Variants in MCM9 observed in about 807,000 individuals in gnomAD.
MCM9 encodes the protein DNA helicase MCM9.
A neutral mutation model predicts 72.8 loss-of-function variants in MCM9; 55 were observed. The observed-to-expected ratio is 0.76, with a 90% confidence interval of 0.61 to 0.95. The LOEUF (loss-of-function observed/expected upper bound fraction) is 0.95, where lower values mean the gene tolerates loss of function less well. Ranked by LOEUF, MCM9 falls within the 40% of genes least tolerant of loss-of-function variation. The pLI is 0.00. For missense variants in MCM9, 1,279 were observed against 1,377.0 expected (o/e 0.93, Z 1.13); for synonymous variants, 480 against 503.4 (o/e 0.95, Z 0.62).
At chr6:118,928,235 A>G (rs1583701239) in intron 3 of MCM9, among the ~76,000 whole-genome samples, 2 of 152,046 alleles carry the variant, frequency 1.3e-5, no homozygotes, top group African/African-American at 2.4e-5. Flanking sequence ...ACATCGTGAA[A>G]CCCTGTCTCT....
chr6:118,904,889 G>C (rs1780066622), intron 8 of MCM9, among the ~76,000 whole-genome samples: 1 of 152,212 alleles, frequency 6.6e-6, no homozygotes, highest in African/African-American at 2.4e-5. Context: ...CCAGGCTGGA[G>C]TGCAGTAGTG....
At chr6:118,832,539 G>A (rs1176805244) in intron 9 of MCM9, among the ~76,000 whole-genome samples, 2 of 152,086 alleles carry the variant, frequency 1.3e-5, no homozygotes, top group South Asian at 4.1e-4. Context: ...TACATTTACA[G>A]GCTTTGTCAT....
chr6:118,914,157 C>G (rs1583649154), intron 6 of MCM9, among the ~76,000 whole-genome samples: 1 of 152,186 alleles, frequency 6.6e-6, no homozygotes, highest in East Asian at 1.9e-4. Context: ...GTTACAGGGG[C>G]ATCAAGGCAT....
chr6:118,840,986 C>T (rs1345062393), intron 9 of MCM9, among the ~76,000 whole-genome samples: 1 of 152,170 alleles, frequency 6.6e-6, no homozygotes, highest in African/African-American at 2.4e-5. Context: ...CCTCCCCATC[C>T]CTGCCCCTGC....
chr6:118,922,169 A>G (rs948655964), intron 4 of MCM9, 83 bp from the exon 5 acceptor site: 1 of 1,029,258 alleles, frequency 9.7e-7, no homozygotes. Flanking sequence ...TGAAATTACT[A>G]TTTTTATTTC....
intron 3 of MCM9, among the ~76,000 whole-genome samples, chr6:118,930,941 T>C (rs112684721): frequency 1.7e-4 from 26 of 152,320 alleles, no homozygotes; most frequent in African/African-American, 6.3e-4. Context: ...TTCTTAACAA[T>C]TAAGATGCTT....
intron 13 of MCM9, among the ~76,000 whole-genome samples, chr6:118,819,540 T>A (rs1427738867): frequency 6.6e-6 from 1 of 152,222 alleles, no homozygotes; most frequent in Non-Finnish European, 1.5e-5. Flanking sequence ...TATTGAGGAT[T>A]TTCACATCAA....
intron 8 of MCM9, among the ~76,000 whole-genome samples, chr6:118,902,053 A>G (rs1779827075): frequency 6.6e-6 from 1 of 152,236 alleles, no homozygotes; most frequent in Non-Finnish European, 1.5e-5. Context: ...AATTTACTGT[A>G]TCTAAAGAAA....
At chr6:118,861,015 C>A (rs138326643) in intron 8 of MCM9, among the ~76,000 whole-genome samples, 15 of 152,182 alleles carry the variant, frequency 9.9e-5, no homozygotes, top group Admixed American at 2.0e-4. Flanking sequence ...ACACTACTAC[C>A]GGCCCAGATC....
chr6:118,822,639 G>A (rs1562398864), intron 13 of MCM9, among the ~76,000 whole-genome samples: 1 of 152,174 alleles, frequency 6.6e-6, no homozygotes, highest in Non-Finnish European at 1.5e-5. Context: ...AGCAGAGTGT[G>A]CTGCTAGAAT....
chr6:118,895,499 C>T (rs1779331350), intron 8 of MCM9, among the ~76,000 whole-genome samples: 1 of 152,230 alleles, frequency 6.6e-6, no homozygotes, highest in Non-Finnish European at 1.5e-5. Flanking sequence ...AATAACTCCA[C>T]ATCCAAATAC....
intron 9 of MCM9, among the ~76,000 whole-genome samples, chr6:118,831,376 G>C (rs1562402207): frequency 6.7e-6 from 1 of 149,480 alleles, no homozygotes; most frequent in African/African-American, 2.4e-5. Context: ...GGGGTGGGGA[G>C]AACTAACAAA....
intron 3 of MCM9, among the ~76,000 whole-genome samples, chr6:118,931,163 C>G (rs150390174): frequency 1.3e-5 from 2 of 152,256 alleles, no homozygotes; most frequent in East Asian, 3.9e-4. Context: ...CATTTTTAAA[C>G]ACAGACGTGG....
At chr6:118,854,944 AT>A (rs1205651719) in intron 9 of MCM9, among the ~76,000 whole-genome samples, 1 of 152,182 alleles carries the variant, frequency 6.6e-6, no homozygotes, top group African/African-American at 2.4e-5. Context: ...ATTTTTAATA[AT>A]TATTTTTTCT....
chr6:118,911,397 G>A (rs1780534719), intron 8 of MCM9: 1 of 1,204,628 alleles, frequency 8.3e-7, no homozygotes, highest in Non-Finnish European at 1.0e-6. Flanking sequence ...CTGCATAAAA[G>A]TATGAAGGTA....
chr6:118,926,863 C>T (rs1781939396), intron 3 of MCM9, among the ~76,000 whole-genome samples: 1 of 152,036 alleles, frequency 6.6e-6, no homozygotes, highest in Admixed American at 6.6e-5. Flanking sequence ...TTTATGTTTG[C>T]AAACAGTCAC....
chr6:118,885,910 C>T (rs1233522201), intron 8 of MCM9, among the ~76,000 whole-genome samples: 2 of 152,078 alleles, frequency 1.3e-5, no homozygotes, highest in East Asian at 3.9e-4. Context: ...CAAAAATCCT[C>T]AACAAAATAC....
chr6:118,840,077 C>T (rs1391661145), intron 9 of MCM9, among the ~76,000 whole-genome samples: 1 of 152,172 alleles, frequency 6.6e-6, no homozygotes, highest in African/African-American at 2.4e-5. Context: ...TATCTATAAG[C>T]CCCTGACTGG....
intron 8 of MCM9, among the ~76,000 whole-genome samples, chr6:118,888,899 C>G (rs909869552): frequency 6.6e-6 from 1 of 151,994 alleles, no homozygotes; most frequent in Non-Finnish European, 1.5e-5. Flanking sequence ...AAAAGTAATT[C>G]AGTGCTTGCC....
Sources: gnomAD v4.1 joint callset for allele counts (sites outside exome capture counted in the v4.1 genomes callset) on GRCh38, gnomAD v4.1.1 for gene constraint, MANE v1.5 for transcripts, NCBI Gene and HGNC (gene_info 2026-07-23, HGNC 2026-07-21) for gene names.